The following WFDC2 variants were observed in gnomAD, a reference collection of about 807,000 sequenced individuals.
The protein encoded by WFDC2 is WAP four-disulfide core domain 2.
In WFDC2, 8 loss-of-function variants were observed where a neutral mutation model predicts 12.5. The observed-to-expected ratio is 0.64, with a 90% confidence interval of 0.37 to 1.15. WFDC2 has a LOEUF of 1.15. Among genes scored for constraint, WFDC2 ranks in the 50% most tolerant of loss-of-function variants. The pLI, the probability that WFDC2 is intolerant of heterozygous loss-of-function variation, is 0.01. For synonymous variants in WFDC2, 74 were observed against 67.2 expected, an observed-to-expected ratio of 1.10 and a Z score of -0.49; for missense variants, 166 against 159.9, an observed-to-expected ratio of 1.04 and a Z score of -0.21.
intron 2 of WFDC2, among the ~76,000 whole-genome samples, chr20:45,472,643 A>G (rs1991186747): frequency 6.6e-6 from 1 of 151,956 alleles, no homozygotes; most frequent in Admixed American, 6.6e-5. Flanking sequence ...ACAGTGCTGC[A>G]ATAAACCTAT....
At chr20:45,472,806 G>A (rs1395965875) in intron 2 of WFDC2, among the ~76,000 whole-genome samples, 5 of 152,264 alleles carry the variant, frequency 3.3e-5, no homozygotes, top group African/African-American at 1.2e-4. Context: ...ACACTCCCAC[G>A]AACAGTGTAA....
intron 2 of WFDC2, among the ~76,000 whole-genome samples, chr20:45,471,612 T>A (rs1943318556): frequency 6.6e-6 from 1 of 152,140 alleles, no homozygotes; most frequent in South Asian, 2.1e-4. Context: ...TCCCCTCCTC[T>A]GGGCCAGGGA....
In WFDC2 at chr20:45,470,820, C is replaced by T. The variant is rs1333901094; in HGVS notation, c.223+288C>T. The stretch of plus-strand genomic sequence containing the variant: ...ACAGCCGGGACATTGTTCCCCGCGG[C>T]CTGGGGACCCGGGGCCGCAGTTTCC... On this transcript the variant is annotated intron_variant, in intron 2 of 3. Coordinates refer to ENST00000372676, the MANE Select transcript of WFDC2 (RefSeq NM_006103.4). This position sits in a 1 kb window ranked among gnomAD's most constrained non-coding sequence, Gnocchi z 5.4. Among the ~76,000 whole-genome samples, 3 of 152,156 alleles carry T rather than the reference C, an allele frequency of 2.0e-5. No homozygotes were observed. Among genetic ancestry groups the T allele is most frequent in the Non-Finnish European group, 4.4e-5 (3 of 68,006 alleles).
intron 2 of WFDC2, among the ~76,000 whole-genome samples, chr20:45,478,991 A>T (rs1991268396): frequency 6.6e-6 from 1 of 152,224 alleles, no homozygotes; most frequent in African/African-American, 2.4e-5. Context: ...ACATATTTAT[A>T]GCAGCTTTAT....
chr20:45,475,421 T>C (rs950528729), intron 2 of WFDC2, among the ~76,000 whole-genome samples: 2 of 152,210 alleles, frequency 1.3e-5, no homozygotes, highest in Admixed American at 6.5e-5. Flanking sequence ...ATTTCTGCCT[T>C]GATTTTGTTA....
In WFDC2 at chr20:45,469,859, A is replaced by G. The variant is rs749350035; in HGVS notation, c.78A>G (p.Ser26=). 4.4e-6 allele frequency: 7 copies of G among 1,607,224 alleles called. No homozygotes were observed. Among genetic ancestry groups the G allele is most frequent in the Non-Finnish European group, 5.9e-6 (7 of 1,177,396 alleles). Residue 26 remains serine, a splice_region_variant and synonymous_variant, in exon 1 of 4, where the codon TCA becomes TCG. Transcript: ENST00000372676. The part of the protein sequence containing the change: ...SLLLFGFTLV[S]GTGAEKTGVC... ...TGCTGTTCGGCTTCACCCTAGTCTC[A>G]GGTGAGTGGGGCGGGGAGAGGCCCG...
chr20:45,473,951 A>G (rs1253134291), intron 2 of WFDC2, among the ~76,000 whole-genome samples: 3 of 152,084 alleles, frequency 2.0e-5, no homozygotes, highest in Non-Finnish European at 4.4e-5. Flanking sequence ...AGCAATTGTG[A>G]ATGGGAATTC....
intron 2 of WFDC2, among the ~76,000 whole-genome samples, chr20:45,476,933 A>G (rs2145505179): frequency 6.7e-6 from 1 of 150,288 alleles, no homozygotes; most frequent in South Asian, 2.1e-4. Context: ...ATTGATCTTC[A>G]ATCTCTGATA....
chr20:45,477,486 G>A (rs767449505), intron 2 of WFDC2, among the ~76,000 whole-genome samples: 2 of 152,212 alleles, frequency 1.3e-5, no homozygotes, highest in Non-Finnish European at 2.9e-5. Context: ...CTGTTTGCCT[G>A]GCTATCACCA....
chr20:45,479,625 C>A, intron 2 of WFDC2: 2 of 1,538,498 alleles, frequency 1.3e-6, no homozygotes, highest in Non-Finnish European at 1.8e-6. Context: ...TTCACAACAA[C>A]CCTATGTTGT....
Position 45,479,938 on chromosome 20 carries a change from C to G in WFDC2, c.224-4C>G, listed in dbSNP as rs751322046. ...CACTTACCCTTACTCCTTTTTCTAC[C>G]CAGATAAGGAGGGTTCCTGCCCCCA... On this transcript the variant is annotated splice_region_variant and splice_polypyrimidine_tract_variant and intron_variant, in intron 2 of 3. Coordinates refer to ENST00000372676, the MANE Select transcript of WFDC2 (RefSeq NM_006103.4). 1.1e-5 allele frequency: 17 copies of G among 1,613,992 alleles called. No homozygotes were observed. Among genetic ancestry groups the G allele is most frequent in the Non-Finnish European group, 1.4e-5 (17 of 1,180,024 alleles).
chr20:45,470,931 C>T lies in WFDC2; in HGVS notation c.223+399C>T, dbSNP rs866824166. Among the ~76,000 whole-genome samples the T allele has an allele frequency of 5.9e-5, 9 of 152,230 alleles. No individual in the cohort carries two copies. In the South Asian group the frequency reaches 8.3e-4, roughly 14 times the overall value. ...CCTCTTGGAGTCCCTCCCTGGGGGC[C>T]TCCCCCAGCCCTGGGGAAAGACTGG... On this transcript the variant is annotated intron_variant, in intron 2 of 3. Transcript: ENST00000372676. This position sits in a 1 kb window ranked among gnomAD's most constrained non-coding sequence, Gnocchi z 5.4.
intron 3 of WFDC2, among the ~76,000 whole-genome samples, chr20:45,480,806 A>C (rs774999196): frequency 1.1e-4 from 17 of 152,292 alleles, no homozygotes; most frequent in Middle Eastern, 3.4e-3. Flanking sequence ...AGAGGGAACT[A>C]TGGTTTCTCT....
chr20:45,476,392 ATTTG>A (rs1032795720), intron 2 of WFDC2, among the ~76,000 whole-genome samples: 1 of 152,204 alleles, frequency 6.6e-6, no homozygotes, highest in East Asian at 1.9e-4. Context: ...ATCCCTCAGC[ATTTG>A]TTTGTCTATA....
intron 2 of WFDC2, 79 bp from the exon 3 acceptor site, chr20:45,479,863 G>T (rs150529863): frequency 9.3e-6 from 15 of 1,613,804 alleles, no homozygotes; most frequent in South Asian, 7.7e-5. Flanking sequence ...GAGGGGCAGT[G>T]GGGGGGCCAT....
chr20:45,470,550 G>C lies in WFDC2; in HGVS notation c.223+18G>C, dbSNP rs779226925. ...GCCCAATGGTAACCCCACGGCGGCC[G>C]AGCGGGAACGGGGCGGGGCCGCGCT... On this transcript the variant is annotated intron_variant, in intron 2 of 3. Transcript: ENST00000372676. This position sits in a 1 kb window ranked among gnomAD's most constrained non-coding sequence, Gnocchi z 5.4. The C allele has an allele frequency of 6.3e-7, 1 of 1,578,816 alleles. No homozygotes were observed. The highest frequency in any genetic ancestry group is 2.3e-5 in the East Asian group (1 of 43,900).
rs1026589843 is a variant in WFDC2, at chr20:45,470,581, G to A, written c.223+49G>A. On this transcript the variant is annotated intron_variant, in intron 2 of 3. Coordinates refer to ENST00000372676, the MANE Select transcript of WFDC2 (RefSeq NM_006103.4). This position sits in a 1 kb window ranked among gnomAD's most constrained non-coding sequence, Gnocchi z 5.4. ...GAACGGGGCGGGGCCGCGCTGGGCT[G>A]GGAGGAGGTGGGAGGGCCCGGGTTC... is the stretch of plus-strand genomic sequence containing the variant. 6 of 1,505,416 alleles carry A rather than the reference G, an allele frequency of 4.0e-6. No homozygotes were observed. The Admixed American group carries it at 1.1e-4, about 27-fold the overall frequency. The allele number at this position is 1,505,416 out of a possible 1,614,324, so 93.3% of individuals were successfully genotyped here.
intron 2 of WFDC2, among the ~76,000 whole-genome samples, chr20:45,476,945 CCTT>C (rs142333051): frequency 0.07 from 10,598 of 151,552 alleles, 498 homozygotes; most frequent in Admixed American, 0.13. Flanking sequence ...TCTCTGATAT[CCTT>C]CTTCTGCTTG....
chr20:45,469,785 C>A lies in WFDC2; in HGVS notation c.4C>A (p.Pro2Thr). ...CACCCCGCCCGGGCATAGCACCATG[C>A]CTGCTTGTCGCCTAGGCCCGCTAGC... is the stretch of plus-strand genomic sequence containing the variant. M[P>T]ACRLGPLAAA... The change falls in exon 1 of 4, where the codon CCT becomes ACT. Residue 2 changes from proline (P) to threonine (T), a missense_variant. Transcript: ENST00000372676. 2 of 1,608,668 alleles carry A rather than the reference C, an allele frequency of 1.2e-6. No individual in the cohort carries two copies. The highest frequency in any genetic ancestry group is 1.1e-5 in the South Asian group (1 of 89,780).
Sources: allele counts gnomAD v4.1 joint callset (sites outside exome capture counted in the v4.1 genomes callset), GRCh38; gene constraint gnomAD v4.1.1; non-coding constraint Gnocchi (gnomAD v3.1); transcripts MANE v1.5; gene names NCBI Gene and HGNC (gene_info 2026-07-23, HGNC 2026-07-21).